ALK: variants seen among roughly 807,000 people sequenced by gnomAD.
ALK encodes ALK tyrosine kinase receptor.
In ALK, 74 loss-of-function variants were observed where a neutral mutation model predicts 163.1. That is an observed-to-expected ratio of 0.45 (90% confidence interval 0.38 to 0.55). The LOEUF (loss-of-function observed/expected upper bound fraction) is 0.55, where lower values mean the gene tolerates loss of function less well. Among genes scored for constraint, ALK ranks in the 20% least tolerant of loss-of-function variants. The pLI is 0.00. For missense variants in ALK, 2,063 were observed against 2,105.3 expected, an observed-to-expected ratio of 0.98 and a Z score of 0.39; for synonymous variants, 960 against 843.2, an observed-to-expected ratio of 1.14 and a Z score of -2.40.
intron 1 of ALK, among the ~76,000 whole-genome samples, chr2:29,781,349 A>T (rs1681326039): frequency 6.6e-6 from 1 of 152,098 alleles, no homozygotes; most frequent in Non-Finnish European, 1.5e-5. Flanking sequence ...TCCAGAGACC[A>T]ATGGAAACCA....
intron 1 of ALK, among the ~76,000 whole-genome samples, chr2:29,868,591 A>G (rs926424639): frequency 1.7e-4 from 26 of 152,244 alleles, no homozygotes; most frequent in Admixed American, 7.8e-4. Context: ...AGTGAGCTAT[A>G]TAGATATCTA....
intron 3 of ALK, among the ~76,000 whole-genome samples, chr2:29,592,963 A>G (rs1427916999): frequency 6.6e-6 from 1 of 152,224 alleles, no homozygotes; most frequent in Non-Finnish European, 1.5e-5. Context: ...GAGCTGCGAG[A>G]TAATACATTT....
At chr2:29,407,348 G>A (rs1431956054) in intron 4 of ALK, among the ~76,000 whole-genome samples, 5 of 152,196 alleles carry the variant, frequency 3.3e-5, no homozygotes, top group Admixed American at 3.3e-4. Flanking sequence ...AACATTTATT[G>A]AACTCTTATT....
chr2:29,648,464 G>T (rs546354816), intron 3 of ALK, among the ~76,000 whole-genome samples: 1 of 152,150 alleles, frequency 6.6e-6, no homozygotes, highest in African/African-American at 2.4e-5. Flanking sequence ...TTTTCACCTT[G>T]TAAACCTGAA....
intron 1 of ALK, among the ~76,000 whole-genome samples, chr2:29,917,363 A>T (rs1289450085): frequency 1.3e-5 from 2 of 152,348 alleles, no homozygotes; most frequent in African/African-American, 4.8e-5. Flanking sequence ...AGCCCACATC[A>T]TAGAAGAGTT....
intron 1 of ALK, among the ~76,000 whole-genome samples, chr2:29,733,924 C>A (rs1255532419): frequency 6.6e-6 from 1 of 152,076 alleles, no homozygotes; most frequent in Admixed American, 6.5e-5. Flanking sequence ...GCCTGTAGAT[C>A]CTGGCAGACC....
At position 29,336,796 on chromosome 2, in the gene ALK, T is replaced by A. The variant is rs7600943; in HGVS notation, c.1283-8315A>T. 5.5e-3 allele frequency among the ~76,000 whole-genome samples: 836 copies of A among 152,354 alleles called. 6 individuals are homozygous for A. Among genetic ancestry groups the A allele is most frequent in the African/African-American group, 0.019 (789 of 41,590 alleles). ...AATTAGGGTGATTTATGTGTCATTTTAAAAAGGCACATTTCTATCAGCTTT... is the reference window on the plus strand; with the variant it reads ...AATTAGGGTGATTTATGTGTCATTTAAAAAAGGCACATTTCTATCAGCTTT... On this transcript the variant is annotated intron_variant, in intron 5 of 28. Transcript: ENST00000389048.
chr2:29,261,420 A>G (rs553375476), intron 11 of ALK, among the ~76,000 whole-genome samples: 1 of 152,042 alleles, frequency 6.6e-6, no homozygotes, highest in Admixed American at 6.5e-5. Flanking sequence ...TACCACCATC[A>G]CTGCCCTCTT....
At chr2:29,672,810 C>T (rs1339257366) in intron 3 of ALK, among the ~76,000 whole-genome samples, 17 of 146,084 alleles carry the variant, frequency 1.2e-4, no homozygotes, top group African/African-American at 4.3e-4. Context: ...AAAAGTGTTC[C>T]TATTTCTCCA....
intron 3 of ALK, among the ~76,000 whole-genome samples, chr2:29,633,779 T>C (rs1258049382): frequency 6.6e-6 from 1 of 152,154 alleles, no homozygotes; most frequent in African/African-American, 2.4e-5. Flanking sequence ...AAGGGAATAC[T>C]ACAAACAATT....
intron 11 of ALK, among the ~76,000 whole-genome samples, chr2:29,268,669 A>G (rs1394279996): frequency 6.6e-6 from 1 of 152,232 alleles, no homozygotes; most frequent in East Asian, 1.9e-4. Context: ...GAAAGAAAAC[A>G]GCTGATTTGG....
intron 1 of ALK, among the ~76,000 whole-genome samples, chr2:29,765,324 C>A (rs948196799): frequency 6.6e-6 from 1 of 151,852 alleles, no homozygotes; most frequent in Non-Finnish European, 1.5e-5. Context: ...TATGGTAATT[C>A]TCCCCTTCCT....
chr2:29,609,141 C>A (rs1675618752), intron 3 of ALK, among the ~76,000 whole-genome samples: 1 of 152,200 alleles, frequency 6.6e-6, no homozygotes, highest in Non-Finnish European at 1.5e-5. Context: ...CCAGCCTGGT[C>A]TTGAACTCCT....
intron 3 of ALK, among the ~76,000 whole-genome samples, chr2:29,665,344 TC>T (rs1677483438): frequency 6.6e-6 from 1 of 151,942 alleles, no homozygotes; most frequent in African/African-American, 2.4e-5. Flanking sequence ...CTCCCGCTTT[TC>T]CCTATCTGAT....
chr2:29,368,697 T>A (rs985420320), intron 5 of ALK, among the ~76,000 whole-genome samples: 1 of 152,186 alleles, frequency 6.6e-6, no homozygotes, highest in Non-Finnish European at 1.5e-5. Context: ...TGGGAAGTGG[T>A]AAGACCTCAT....
At chr2:29,394,996 C>T (rs1669269362) in intron 4 of ALK, among the ~76,000 whole-genome samples, 1 of 152,100 alleles carries the variant, frequency 6.6e-6, no homozygotes, top group African/African-American at 2.4e-5. Context: ...AGGCCTGAGT[C>T]TTGAGCAGGG....
At chr2:29,771,888 G>A (rs949591261) in intron 1 of ALK, among the ~76,000 whole-genome samples, 1 of 152,164 alleles carries the variant, frequency 6.6e-6, no homozygotes, top group African/African-American at 2.4e-5. Flanking sequence ...GTAAAATAAT[G>A]GATTTGTCAG....
chr2:29,607,789 C>T (rs1484988935), intron 3 of ALK, among the ~76,000 whole-genome samples: 1 of 152,048 alleles, frequency 6.6e-6, no homozygotes, highest in Non-Finnish European at 1.5e-5. Context: ...TGATTTTTTT[C>T]TTACCTACAC....
intron 1 of ALK, among the ~76,000 whole-genome samples, chr2:29,849,187 C>T (rs1665931511): frequency 6.6e-6 from 1 of 152,230 alleles, no homozygotes; most frequent in Non-Finnish European, 1.5e-5. Flanking sequence ...GCTTCCCCAC[C>T]AGCTGCTCTG....
Sources: allele counts gnomAD v4.1 joint callset (sites outside exome capture counted in the v4.1 genomes callset), GRCh38; gene constraint gnomAD v4.1.1; transcripts MANE v1.5; gene names NCBI Gene and HGNC (gene_info 2026-07-23, HGNC 2026-07-21).